Variants in COL13A1 observed in about 807,000 individuals in gnomAD.
The protein encoded by COL13A1 is collagen alpha-1(XIII) chain.
A neutral mutation model predicts 130.9 loss-of-function variants in COL13A1; 89 were observed. That is an observed-to-expected ratio of 0.68 (90% CI 0.57 to 0.81). The LOEUF is 0.81. Ranked by LOEUF, COL13A1 falls within the 30% of genes least tolerant of loss-of-function variation. The pLI, the probability that COL13A1 is intolerant of heterozygous loss-of-function variation, is 0.00. For missense variants in COL13A1, 879 were observed against 934.6 expected (o/e 0.94, Z 0.78); for synonymous variants, 402 against 341.6 (o/e 1.18, Z -1.95).
intron 27 of COL13A1, among the ~76,000 whole-genome samples, chr10:69,927,566 A>G (rs1416090669): frequency 6.6e-6 from 1 of 152,158 alleles, no homozygotes; most frequent in East Asian, 1.9e-4. Context: ...AAACCAGGGA[A>G]TTTCAAGTCT....
rs750981538 is a variant in COL13A1, at chr10:69,932,529, G to A, written c.1684-31G>A. The stretch of plus-strand genomic sequence containing the variant: ...CTGTCCCAGGCTTTCACAAGGGCTG[G>A]CATTCATGCAGTGGTGTTTTGTGCC... On this transcript the variant is annotated intron_variant, in intron 30 of 40. Coordinates refer to ENST00000645393, the MANE Select transcript of COL13A1 (RefSeq NM_001368882.1). 49 of 1,582,592 alleles carry A rather than the reference G, an allele frequency of 3.1e-5. No homozygotes were observed. In the Middle Eastern group the frequency reaches 1.0e-3, roughly 33 times the overall value.
chr10:69,857,928 CA>C (rs34679757), intron 2 of COL13A1, among the ~76,000 whole-genome samples: 79,330 of 151,562 alleles, frequency 0.52, 20,857 homozygotes, highest in East Asian at 0.6. Flanking sequence ...CCAGCCTGGC[CA>C]ATATGGTGAA....
Position 69,947,369 on chromosome 10 carries a change from T to C in COL13A1, c.2058+27T>C, listed in dbSNP as rs570135741. 1.1e-4 allele frequency: 173 copies of C among 1,597,730 alleles called. No individual in the cohort carries two copies. In the South Asian group the frequency reaches 1.9e-3, roughly 17 times the overall value. ...TGAGTCTGAGCCCCTGCACTCGTGC[T>C]CTAGTTACTAATGTCTTCATGATGG... On this transcript the variant is annotated intron_variant, in intron 38 of 40. Transcript: ENST00000645393.
chr10:69,941,521 G>A (rs1392696006), intron 35 of COL13A1, among the ~76,000 whole-genome samples: 1 of 152,198 alleles, frequency 6.6e-6, no homozygotes, highest in Non-Finnish European at 1.5e-5. Flanking sequence ...GAAGGCTGAG[G>A]ACAGGAGTAG....
chr10:69,945,580 G>A, intron 36 of COL13A1, 91 bp from the exon 37 acceptor site: 1 of 1,533,894 alleles, frequency 6.5e-7, no homozygotes. Flanking sequence ...GGACTGGAGA[G>A]GTTTCCTGTA....
chr10:69,924,854 C>G, intron 24 of COL13A1, 109 bp from the exon 25 acceptor site: 1 of 1,107,326 alleles, frequency 9.0e-7, no homozygotes, highest in South Asian at 2.0e-5. Context: ...CTTCTATGGA[C>G]TAAGAGCTAA....
At chr10:69,815,223 C>A (rs1348300868) in intron 1 of COL13A1, among the ~76,000 whole-genome samples, 4 of 152,178 alleles carry the variant, frequency 2.6e-5, no homozygotes, top group African/African-American at 9.7e-5. Flanking sequence ...ATTGCAGAGG[C>A]CCAGGTTGAG....
chr10:69,859,616 A>C (rs909741152), intron 2 of COL13A1, among the ~76,000 whole-genome samples: 3 of 152,222 alleles, frequency 2.0e-5, no homozygotes, highest in African/African-American at 7.2e-5. Context: ...GTCTTCCTTC[A>C]GGGACCTGAG....
chr10:69,950,946 T>C (rs920778536), intron 38 of COL13A1, among the ~76,000 whole-genome samples: 3 of 152,150 alleles, frequency 2.0e-5, no homozygotes, highest in African/African-American at 7.2e-5. Context: ...CCTCCTGGGT[T>C]CAAGCGATTC....
chr10:69,808,604 C>T (rs762465480), intron 1 of COL13A1, among the ~76,000 whole-genome samples: 64 of 152,312 alleles, frequency 4.2e-4, no homozygotes, highest in Middle Eastern at 3.4e-3. Flanking sequence ...AGTCAGTGCA[C>T]AAGAGGAAAT....
At chr10:69,825,552 C>A (rs947246491) in intron 2 of COL13A1, among the ~76,000 whole-genome samples, 2 of 152,172 alleles carry the variant, frequency 1.3e-5, no homozygotes, top group African/African-American at 4.8e-5. Context: ...TATCCCTCAC[C>A]CCACCCCAAA....
At chr10:69,947,255 G>C (rs2136213177) in intron 37 of COL13A1, 52 bp from the exon 38 acceptor site, 5 of 1,550,696 alleles carry the variant, frequency 3.2e-6, no homozygotes, top group Non-Finnish European at 4.5e-6. Flanking sequence ...GCACTGTACA[G>C]CTGGCCTGTG....
At chr10:69,931,599 C>A (rs910888462) in intron 30 of COL13A1, among the ~76,000 whole-genome samples, 4 of 152,292 alleles carry the variant, frequency 2.6e-5, no homozygotes, top group African/African-American at 9.6e-5. Context: ...GTGCAGGACT[C>A]CTCACTCAAC....
intron 2 of COL13A1, among the ~76,000 whole-genome samples, chr10:69,865,512 C>A (rs2058436247): frequency 6.6e-6 from 1 of 152,204 alleles, no homozygotes. Flanking sequence ...TCATGAAGAC[C>A]ATCCCTAACA....
chr10:69,900,783 T>A (rs1462020602), intron 14 of COL13A1, among the ~76,000 whole-genome samples: 1 of 152,208 alleles, frequency 6.6e-6, no homozygotes, highest in Non-Finnish European at 1.5e-5. Flanking sequence ...TTGGAAAGAA[T>A]AGGGAGAGTC....
At chr10:69,868,521 C>T (rs1414792915) in intron 3 of COL13A1, among the ~76,000 whole-genome samples, 1 of 152,182 alleles carries the variant, frequency 6.6e-6, no homozygotes. Flanking sequence ...GGAGCACCTG[C>T]CTTTGATATC....
chr10:69,922,655 C>A, intron 22 of COL13A1, 53 bp from the exon 23 acceptor site: 1 of 1,419,462 alleles, frequency 7.0e-7, no homozygotes, highest in Non-Finnish European at 9.6e-7. Flanking sequence ...CTCCAGTGCT[C>A]AGCCTAGACC....
At chr10:69,928,290 A>G (rs927287648) in intron 27 of COL13A1, among the ~76,000 whole-genome samples, 5 of 152,174 alleles carry the variant, frequency 3.3e-5, no homozygotes, top group African/African-American at 1.2e-4. Context: ...GAGTTTTGAT[A>G]AGTGTATATA....
chr10:69,823,485 C>G (rs1384573548), intron 2 of COL13A1, among the ~76,000 whole-genome samples: 1 of 152,178 alleles, frequency 6.6e-6, no homozygotes, highest in Non-Finnish European at 1.5e-5. Flanking sequence ...TCCTCGATAC[C>G]CACGGTGGCA....
Sources: allele counts gnomAD v4.1 joint callset (sites outside exome capture counted in the v4.1 genomes callset), GRCh38; gene constraint gnomAD v4.1.1; transcripts MANE v1.5; gene names NCBI Gene and HGNC (gene_info 2026-07-23, HGNC 2026-07-21).